Variants in ST6GALNAC3 observed in about 807,000 individuals in gnomAD.
ST6GALNAC3 encodes the protein ST6 N-acetylgalactosaminide alpha-2,6-sialyltransferase 3.
A neutral mutation model predicts 32.7 loss-of-function variants in ST6GALNAC3; 25 were observed. The observed-to-expected ratio is 0.76, with a 90% CI of 0.56 to 1.07. The LOEUF is 1.07. ST6GALNAC3 is among the 50% of genes least tolerant of loss of function. The probability of loss-of-function intolerance (pLI) is 0.00; values close to 1 mark genes in which losing one functional copy is unlikely to be tolerated. For missense variants in ST6GALNAC3, 355 were observed against 382.4 expected, an observed-to-expected ratio of 0.93 and a Z score of 0.60; for synonymous variants, 129 against 133.1, an observed-to-expected ratio of 0.97 and a Z score of 0.21.
intron 1 of ST6GALNAC3, among the ~76,000 whole-genome samples, chr1:76,236,740 C>T (rs1453582605): frequency 6.6e-6 from 1 of 152,090 alleles, no homozygotes; most frequent in Non-Finnish European, 1.5e-5. Context: ...AAAATTCATA[C>T]CTCCTTACTT....
At chr1:76,263,339 A>G (rs1658350726) in intron 1 of ST6GALNAC3, among the ~76,000 whole-genome samples, 1 of 152,164 alleles carries the variant, frequency 6.6e-6, no homozygotes, top group Non-Finnish European at 1.5e-5. Flanking sequence ...TAAATATTAT[A>G]TGCTAATATT....
At chr1:76,565,043 C>T (rs1665470780) in intron 3 of ST6GALNAC3, among the ~76,000 whole-genome samples, 1 of 152,148 alleles carries the variant, frequency 6.6e-6, no homozygotes, top group Admixed American at 6.5e-5. Context: ...ATTTCCGTTT[C>T]CAAAGATGAT....
chr1:76,275,527 G>C (rs1482283902), intron 1 of ST6GALNAC3, among the ~76,000 whole-genome samples: 1 of 152,072 alleles, frequency 6.6e-6, no homozygotes, highest in Non-Finnish European at 1.5e-5. Context: ...GTTGCCCCTT[G>C]ACTCAGACAG....
At chr1:76,105,080 T>C (rs1268140445) in intron 1 of ST6GALNAC3, among the ~76,000 whole-genome samples, 2 of 152,174 alleles carry the variant, frequency 1.3e-5, no homozygotes, top group Non-Finnish European at 2.9e-5. Context: ...TCAGAAGCAG[T>C]AGTCTCTCTG....
chr1:76,085,595 A>G (rs1167555651), intron 1 of ST6GALNAC3, among the ~76,000 whole-genome samples: 2 of 152,164 alleles, frequency 1.3e-5, no homozygotes, highest in Non-Finnish European at 2.9e-5. Context: ...GAAAACTTGA[A>G]CTACATCAGG....
intron 1 of ST6GALNAC3, among the ~76,000 whole-genome samples, chr1:76,295,852 G>A (rs780742446): frequency 2.0e-5 from 3 of 152,010 alleles, no homozygotes; most frequent in Non-Finnish European, 1.5e-5. Context: ...CTTCCTGTCC[G>A]TGATGATAAG....
intron 1 of ST6GALNAC3, among the ~76,000 whole-genome samples, chr1:76,207,140 C>G (rs145399573): frequency 6.6e-6 from 1 of 152,274 alleles, no homozygotes; most frequent in Non-Finnish European, 1.5e-5. Context: ...CTATTTTTCT[C>G]ATTTAACTAT....
At chr1:76,575,443 A>T (rs2100520245) in intron 3 of ST6GALNAC3, among the ~76,000 whole-genome samples, 1 of 152,232 alleles carries the variant, frequency 6.6e-6, no homozygotes, top group South Asian at 2.1e-4. Flanking sequence ...AATCGTTAGT[A>T]CTAAATGTAA....
At position 76,573,334 on chromosome 1, in the gene ST6GALNAC3, C is replaced by T. The variant is rs576165088; in HGVS notation, c.624-54118C>T. ...AGGCCAGGATCATTGCATCTCCTGCCTCCTCCTTCCACGTAACAAATCTCA... is the reference window on the plus strand; with the variant it reads ...AGGCCAGGATCATTGCATCTCCTGCTTCCTCCTTCCACGTAACAAATCTCA... On this transcript the variant is annotated intron_variant, in intron 3 of 4. Coordinates refer to ENST00000328299, the MANE Select transcript of ST6GALNAC3 (RefSeq NM_152996.4). Among the ~76,000 whole-genome samples the T allele has an allele frequency of 2.6e-5, 4 of 152,118 alleles. No individual in the cohort carries two copies. The East Asian group carries it at 7.7e-4, about 29-fold the overall frequency.
intron 3 of ST6GALNAC3, among the ~76,000 whole-genome samples, chr1:76,562,211 T>G (rs1422630893): frequency 6.6e-6 from 1 of 152,126 alleles, no homozygotes; most frequent in Non-Finnish European, 1.5e-5. Context: ...TATAACAAAA[T>G]GCACTGAACT....
chr1:76,628,943 G>A lies in ST6GALNAC3; in HGVS notation c.*137G>A. On this transcript the variant is annotated 3_prime_UTR_variant, in exon 5 of 5. Transcript: ENST00000328299. Reference sequence around the variant, plus strand: ...ATCAAGTTCCTGTACACTCTCAGATGTGGATGGTGACTCTGCTAGTAATTT... The same window carrying A: ...ATCAAGTTCCTGTACACTCTCAGATATGGATGGTGACTCTGCTAGTAATTT... The A allele has an allele frequency of 6.8e-7, 1 of 1,473,354 alleles. No homozygotes were observed. 91.3% of individuals were successfully genotyped at this position (1,473,354 alleles called of 1,614,324 possible).
chr1:76,345,609 T>C (rs1012452429), intron 2 of ST6GALNAC3, among the ~76,000 whole-genome samples: 8 of 152,176 alleles, frequency 5.3e-5, no homozygotes, highest in Non-Finnish European at 8.8e-5. Flanking sequence ...GTAAACAGTA[T>C]GCTAAGAGCT....
chr1:76,360,498 T>G (rs1170779252), intron 2 of ST6GALNAC3, among the ~76,000 whole-genome samples: 1 of 152,210 alleles, frequency 6.6e-6, no homozygotes, highest in Non-Finnish European at 1.5e-5. Flanking sequence ...TGAAAAAGTT[T>G]AGGCCCCAAT....
At chr1:76,235,194 A>G (rs563382239) in intron 1 of ST6GALNAC3, among the ~76,000 whole-genome samples, 3 of 152,306 alleles carry the variant, frequency 2.0e-5, no homozygotes, top group South Asian at 4.1e-4. Flanking sequence ...AAAAGCATAC[A>G]TGTGAGTGTC....
At chr1:76,401,880 C>T (rs1653445072) in intron 2 of ST6GALNAC3, among the ~76,000 whole-genome samples, 1 of 152,070 alleles carries the variant, frequency 6.6e-6, no homozygotes, top group South Asian at 2.1e-4. Context: ...TCTTCTAGGC[C>T]CAACATGCTT....
intron 3 of ST6GALNAC3, among the ~76,000 whole-genome samples, chr1:76,461,072 C>A (rs767544838): frequency 6.6e-6 from 1 of 152,080 alleles, no homozygotes; most frequent in Admixed American, 6.6e-5. Flanking sequence ...TCAAAAAGAT[C>A]CAACTTAGAA....
chr1:76,215,857 G>C (rs927173557), intron 1 of ST6GALNAC3, among the ~76,000 whole-genome samples: 5 of 152,198 alleles, frequency 3.3e-5, no homozygotes, highest in Non-Finnish European at 7.3e-5. Flanking sequence ...GGCAGCTTCA[G>C]GAGATGGATG....
intron 1 of ST6GALNAC3, among the ~76,000 whole-genome samples, chr1:76,133,053 A>G (rs563378996): frequency 6.6e-6 from 1 of 152,146 alleles, no homozygotes; most frequent in East Asian, 1.9e-4. Context: ...ATTCTCTGTG[A>G]TGTAGGTGAA....
rs137909049 is a variant in ST6GALNAC3 at position 76,117,204 on chromosome 1, C to T, written c.18+42320C>T. ...AATAATTTTGCTTTAGGGCAATCTT[C>T]GGATTGTAAATGGGCCTTAAAGCTT... On this transcript the variant is annotated intron_variant, in intron 1 of 4. Transcript: ENST00000328299. 3.3e-5 allele frequency among the ~76,000 whole-genome samples: 5 copies of T among 152,266 alleles called. No individual in the cohort carries two copies. In the East Asian group the frequency reaches 7.7e-4, roughly 24 times the overall value.
Sources: gnomAD v4.1 joint callset for allele counts (sites outside exome capture counted in the v4.1 genomes callset) on GRCh38, gnomAD v4.1.1 for gene constraint, MANE v1.5 for transcripts, NCBI Gene and HGNC (gene_info 2026-07-23, HGNC 2026-07-21) for gene names.